Variants in BPTF observed in about 807,000 individuals in gnomAD.
BPTF encodes bromodomain PHD finger transcription factor.
BPTF carries 18 observed loss-of-function variants against 292.5 expected under a neutral mutation model. The observed-to-expected ratio is 0.06, with a 90% confidence interval of 0.04 to 0.09. The LOEUF is 0.09. Ranked by LOEUF, BPTF falls within the 10% of genes least tolerant of loss-of-function variation. The pLI, the probability that BPTF is intolerant of heterozygous loss-of-function variation, is 1.00. For synonymous variants in BPTF, 1,225 were observed against 1,251.9 expected (o/e 0.98, Z 0.45); for missense variants, 2,726 against 3,498.7 (o/e 0.78, Z 5.57).
chr17:67,964,422 G>A lies in BPTF; in HGVS notation c.8454+18G>A. On this transcript the variant is annotated intron_variant, in intron 25 of 27. Coordinates refer to ENST00000306378, the MANE Select transcript of BPTF (RefSeq NM_182641.4). ...CCTTACAGGTGAGACCCCTCTGTGTGCAGCATTTCAAAATGAAATCAGCCA... is the reference window on the plus strand; with the variant it reads ...CCTTACAGGTGAGACCCCTCTGTGTACAGCATTTCAAAATGAAATCAGCCA... The A allele has an allele frequency of 3.8e-6, 6 of 1,574,028 alleles. No homozygotes were observed. Among genetic ancestry groups the A allele is most frequent in the Non-Finnish European group, 4.3e-6 (5 of 1,154,244 alleles).
At chr17:67,967,066 C>T (rs1334143588) in intron 26 of BPTF, among the ~76,000 whole-genome samples, 2 of 151,186 alleles carry the variant, frequency 1.3e-5, no homozygotes, top group African/African-American at 4.9e-5. Context: ...CGCCACTGCA[C>T]TCTAACCTGG....
chr17:67,846,489 A>G (rs1024450890), intron 1 of BPTF, among the ~76,000 whole-genome samples: 3 of 152,236 alleles, frequency 2.0e-5, no homozygotes, highest in African/African-American at 7.2e-5. Context: ...ACACATGGCT[A>G]TTAAGTAAGC....
At chr17:67,972,015 C>G (rs1175122210) in intron 26 of BPTF, among the ~76,000 whole-genome samples, 3 of 151,992 alleles carry the variant, frequency 2.0e-5, no homozygotes, top group Non-Finnish European at 4.4e-5. Context: ...TTATGGTGTA[C>G]AAATGCAGAT....
At chr17:67,921,867 T>C (rs1598672265) in intron 13 of BPTF, among the ~76,000 whole-genome samples, 1 of 151,804 alleles carries the variant, frequency 6.6e-6, no homozygotes, top group Non-Finnish European at 1.5e-5. Context: ...CCCTGTCTCT[T>C]CTAAAAATAC....
chr17:67,866,320 G>A (rs2059388677), intron 2 of BPTF, 144 bp from the exon 3 acceptor site: 1 of 645,088 alleles, frequency 1.6e-6, no homozygotes, highest in Admixed American at 2.7e-5. Context: ...TCAAGTTTGA[G>A]TGAGACCTGC....
intron 4 of BPTF, chr17:67,886,373 TTTTG>T: frequency 7.8e-7 from 1 of 1,289,752 alleles, no homozygotes; most frequent in Non-Finnish European, 1.0e-6. Context: ...TTTTTCTTTT[TTTTG>T]TGTGTGTGTG....
At chr17:67,873,195 C>T (rs868852566) in intron 3 of BPTF, among the ~76,000 whole-genome samples, 7 of 152,192 alleles carry the variant, frequency 4.6e-5, no homozygotes, top group African/African-American at 1.7e-4. Context: ...CAGTGGCTCA[C>T]GCCTGTAATC....
At chr17:67,863,048 C>T (rs1023182465) in intron 2 of BPTF, among the ~76,000 whole-genome samples, 4 of 152,064 alleles carry the variant, frequency 2.6e-5, no homozygotes, top group Non-Finnish European at 5.9e-5. Context: ...TGGGAGTTTT[C>T]CAGGGCCACC....
intron 24 of BPTF, chr17:67,963,304 A>G (rs1555685002): frequency 2.7e-6 from 4 of 1,503,076 alleles, no homozygotes; most frequent in African/African-American, 2.8e-5. Context: ...TGACAATTAC[A>G]TTGTCATTTT....
At chr17:67,972,566 AAAGAC>A (rs1315182422) in intron 26 of BPTF, among the ~76,000 whole-genome samples, 3 of 152,122 alleles carry the variant, frequency 2.0e-5, no homozygotes, top group Non-Finnish European at 4.4e-5. Flanking sequence ...TTTATATACT[AAAGAC>A]AAGTAAAAGT....
intron 1 of BPTF, among the ~76,000 whole-genome samples, chr17:67,850,174 T>C (rs778560968): frequency 5.9e-5 from 9 of 152,214 alleles, no homozygotes; most frequent in Non-Finnish European, 1.0e-4. Flanking sequence ...AATAAATGTT[T>C]ATTTAATAGC....
rs867580057 is a variant in BPTF at position 67,910,894 on chromosome 17, G to T, written c.3010G>T (p.Asp1004Tyr). The change falls in exon 11 of 28, where the codon GAT becomes TAT. Residue 1004 changes from aspartate (D) to tyrosine (Y), a missense_variant. This residue lies in a region of BPTF where 713 missense variants were observed against 714.9 expected (regional missense o/e 1.00). Coordinates refer to ENST00000306378, the MANE Select transcript of BPTF (RefSeq NM_182641.4). Reference protein sequence around the residue: ...KKDQDVKELLDSDSDKPCKEE... With the variant: ...KKDQDVKELLYSDSDKPCKEE... ...TTTCACAGATGTGAAGGAGCTCTTA[G>T]ATTCTGACAGTGATAAACCCTGCAA... 6.3e-7 allele frequency: 1 copy of T among 1,592,690 alleles called. No individual in the cohort carries two copies.
At chr17:67,886,246 T>C in intron 4 of BPTF, 1 of 1,614,058 alleles carries the variant, frequency 6.2e-7, no homozygotes, top group Non-Finnish European at 8.5e-7. Flanking sequence ...GTGAATCTGC[T>C]AAGGCAGCTG....
chr17:67,894,103 G>C lies in BPTF; in HGVS notation c.2481G>C (p.Leu827Phe), dbSNP rs751538531. The change falls in exon 7 of 28, where the codon TTG (leucine) becomes TTC (phenylalanine). Residue 827 changes from leucine (L) to phenylalanine (F), a missense_variant. By Grantham distance (22) the Leu-to-Phe change is conservative (BLOSUM62 0). Coordinates refer to ENST00000306378, the MANE Select transcript of BPTF (RefSeq NM_182641.4). ...PREFALALAI[L>F]ECAVKPVVML... Reference sequence around the variant, plus strand: ...AATTTGCATTGGCTTTAGCCATTTTGGAGTGTGCAGTTAAACCAGTTGTGA... The same window carrying C: ...AATTTGCATTGGCTTTAGCCATTTTCGAGTGTGCAGTTAAACCAGTTGTGA... 1.9e-6 allele frequency: 3 copies of C among 1,614,086 alleles called. No individual in the cohort carries two copies. The highest frequency in any genetic ancestry group is 2.5e-6 in the Non-Finnish European group (3 of 1,179,944).
chr17:67,905,274 G>T (rs1261459357), intron 9 of BPTF, among the ~76,000 whole-genome samples: 1 of 151,990 alleles, frequency 6.6e-6, no homozygotes, highest in Non-Finnish European at 1.5e-5. Flanking sequence ...TGGGTGTGCT[G>T]GTACACGCCT....
At chr17:67,978,673 A>G (rs1188119193) in intron 27 of BPTF, among the ~76,000 whole-genome samples, 1 of 152,208 alleles carries the variant, frequency 6.6e-6, no homozygotes, top group Non-Finnish European at 1.5e-5. Flanking sequence ...CCAAGATGAC[A>G]TTTATACAGC....
chr17:67,917,589 C>T (rs1234617118), intron 11 of BPTF, among the ~76,000 whole-genome samples: 1 of 151,804 alleles, frequency 6.6e-6, no homozygotes, highest in African/African-American at 2.4e-5. Flanking sequence ...AAAGGTCTTA[C>T]TAGATTTGTA....
chr17:67,919,207 AATAATAATAAT>A (rs1447705750), intron 12 of BPTF, among the ~76,000 whole-genome samples: 17 of 143,254 alleles, frequency 1.2e-4, no homozygotes, highest in African/African-American at 4.3e-4. Flanking sequence ...TAATAATAAT[AATAATAATAAT>A]AAAATATAAT....
At chr17:67,895,503 C>T in intron 7 of BPTF, among the ~76,000 whole-genome samples, 1 of 150,212 alleles carries the variant, frequency 6.7e-6, no homozygotes, top group East Asian at 1.9e-4. Context: ...TCACTGTCAC[C>T]CAGGCTGGAG....
Sources: allele counts gnomAD v4.1 joint callset (sites outside exome capture counted in the v4.1 genomes callset), GRCh38; gene constraint gnomAD v4.1.1; regional missense constraint gnomAD v4.1.1; transcripts MANE v1.5; gene names NCBI Gene and HGNC (gene_info 2026-07-23, HGNC 2026-07-21).